IGLL5: variants seen among roughly 807,000 people sequenced by gnomAD.
IGLL5 encodes the protein immunoglobulin lambda-like polypeptide 5.
In IGLL5, 30 loss-of-function variants were observed where a neutral mutation model predicts 20.9. The observed-to-expected ratio is 1.44, with a 90% CI of 1.07 to 1.95. The LOEUF is 1.95. IGLL5 is among the 30% of genes most tolerant of loss of function. The probability of loss-of-function intolerance (pLI) is 0.00; values close to 1 mark genes in which losing one functional copy is unlikely to be tolerated. For synonymous variants in IGLL5, 203 were observed against 117.3 expected (o/e 1.73, Z -4.72); for missense variants, 475 against 270.7 (o/e 1.75, Z -5.30).
chr22:22,887,985 C>G lies in IGLL5; in HGVS notation c.-69C>G. 1 of 1,269,082 alleles carries G rather than the reference C, an allele frequency of 7.9e-7. No individual in the cohort carries two copies. The highest frequency in any genetic ancestry group is 1.1e-6 in the Non-Finnish European group (1 of 891,538). 78.6% of individuals were successfully genotyped at this position (1,269,082 alleles called of 1,614,324 possible). A position where few individuals can be genotyped will look rare whatever the true frequency, so the allele number is the denominator to read the frequency against. On this transcript the variant is annotated 5_prime_UTR_variant, in exon 1 of 3. Coordinates refer to ENST00000526893, the MANE Select transcript of IGLL5 (RefSeq NM_001178126.2). ...GTAACAGCCCTGCTGGCGAGAGGGA[C>G]CAGGGCACCGTCCTCCAGGGAGCCC... is the stretch of plus-strand genomic sequence containing the variant.
intron 1 of IGLL5, among the ~76,000 whole-genome samples, chr22:22,889,802 G>T (rs916773785): frequency 6.6e-6 from 1 of 151,198 alleles, no homozygotes; most frequent in Non-Finnish European, 1.5e-5. Context: ...TCGCTATATT[G>T]CTCAGGCCTG....
intron 1 of IGLL5, among the ~76,000 whole-genome samples, chr22:22,889,175 T>C (rs559367762): frequency 6.6e-6 from 1 of 150,994 alleles, no homozygotes; most frequent in South Asian, 2.1e-4. Context: ...GAGGGGGTGA[T>C]GGCCAAGTCC....
At position 22,890,599 on chromosome 22, in the gene IGLL5, G is replaced by A. The variant is rs112049179; in HGVS notation, c.206+2340G>A. Among the ~76,000 whole-genome samples, 312 of 126,850 alleles carry A rather than the reference G, an allele frequency of 2.5e-3. 1 individual carries two copies. The highest frequency in any genetic ancestry group is 9.2e-3 in the African/African-American group (284 of 30,704). 83.2% of individuals were successfully genotyped at this position (126,850 alleles called of 152,430 possible). A position where few individuals can be genotyped will look rare whatever the true frequency, so the allele number is the denominator to read the frequency against. The stretch of plus-strand genomic sequence containing the variant: ...TGTGTGTGTGTGTGTGTGTGTGTGT[G>A]TATGTGTACAAAGTGCACTTATATA... On this transcript the variant is annotated intron_variant, in intron 1 of 2. Coordinates refer to ENST00000526893, the MANE Select transcript of IGLL5 (RefSeq NM_001178126.2).
intron 1 of IGLL5, among the ~76,000 whole-genome samples, chr22:22,890,013 A>G (rs2067769062): frequency 1.3e-5 from 2 of 151,084 alleles, no homozygotes; most frequent in Admixed American, 6.6e-5. Context: ...GTGGCTTTAT[A>G]ATTTTCTGGT....
chr22:22,894,187 G>C (rs2067994929), intron 2 of IGLL5, among the ~76,000 whole-genome samples: 1 of 151,520 alleles, frequency 6.6e-6, no homozygotes, highest in Non-Finnish European at 1.5e-5. Context: ...GGCTGCTGGG[G>C]TGGGCCTGGG....
intron 2 of IGLL5, among the ~76,000 whole-genome samples, chr22:22,894,170 GGACAGAGGCTGCTGGGGTGGGCC>G: frequency 6.6e-6 from 1 of 151,490 alleles, no homozygotes; most frequent in Admixed American, 6.6e-5. Context: ...CTGGGGTCAA[GGACAGAGGCTGCTGGGGTGGGCC>G]TGGGAGCTGC....
intron 1 of IGLL5, among the ~76,000 whole-genome samples, chr22:22,893,303 C>G (rs1157399974): frequency 1.3e-5 from 2 of 151,164 alleles, no homozygotes; most frequent in African/African-American, 4.9e-5. Context: ...GCAGAGGAAT[C>G]TCCACTTGAG....
At chr22:22,888,454 T>C (rs542385586) in intron 1 of IGLL5, among the ~76,000 whole-genome samples, 195 bp downstream of exon 1, 2 of 151,384 alleles carry the variant, frequency 1.3e-5, no homozygotes, top group South Asian at 2.1e-4. Flanking sequence ...TAATATCATA[T>C]TACGATATTA....
In IGLL5 at chr22:22,890,344, C is replaced by G. The variant is rs534978307; in HGVS notation, c.206+2085C>G. On this transcript the variant is annotated intron_variant, in intron 1 of 2. Transcript: ENST00000526893. ...ACACACACACACACACACACACACA[C>G]AGTTGGTGCTGGGATTTTATTTTGC... 1.3e-3 allele frequency among the ~76,000 whole-genome samples: 192 copies of G among 144,534 alleles called. 1 individual carries two copies. Among genetic ancestry groups the G allele is most frequent in the Middle Eastern group, 4.1e-3 (1 of 242 alleles). The allele number at this position is 144,534 out of a possible 152,430, so 94.8% of individuals were successfully genotyped here.
intron 1 of IGLL5, among the ~76,000 whole-genome samples, chr22:22,889,108 TGG>T: frequency 6.6e-6 from 1 of 151,200 alleles, no homozygotes; most frequent in African/African-American, 2.4e-5. Flanking sequence ...TTTGTGTTTT[TGG>T]AAAAATCAGC....
rs1239332237 is a variant in IGLL5 at position 22,894,188 on chromosome 22, T to A, written c.325+370T>A. ...GGGTCAAGGACAGAGGCTGCTGGGG[T>A]GGGCCTGGGAGCTGCTGAGTCTCAT... On this transcript the variant is annotated intron_variant, in intron 2 of 2. Transcript: ENST00000526893. Among the ~76,000 whole-genome samples the A allele has an allele frequency of 4.0e-5, 6 of 151,224 alleles. 1 individual carries two copies. The highest frequency in any genetic ancestry group is 1.3e-4 in the Admixed American group (2 of 15,086).
intron 1 of IGLL5, among the ~76,000 whole-genome samples, chr22:22,891,419 C>A (rs895832589): frequency 6.6e-6 from 1 of 151,058 alleles, no homozygotes; most frequent in African/African-American, 2.4e-5. Context: ...CTGCGCCCAC[C>A]CTGTTTTGAT....
chr22:22,889,925 T>G (rs2067763379), intron 1 of IGLL5, among the ~76,000 whole-genome samples: 1 of 151,192 alleles, frequency 6.6e-6, no homozygotes, highest in African/African-American at 2.4e-5. Context: ...TATATGCATT[T>G]TCAAAAACCT....
At chr22:22,894,091 G>A (rs529221758) in intron 2 of IGLL5, among the ~76,000 whole-genome samples, 3 of 151,474 alleles carry the variant, frequency 2.0e-5, no homozygotes, top group South Asian at 2.1e-4. Flanking sequence ...GCAGATGTCT[G>A]AGTGAGGGAC....
At chr22:22,888,688 G>C (rs2067632305) in intron 1 of IGLL5, among the ~76,000 whole-genome samples, 1 of 151,250 alleles carries the variant, frequency 6.6e-6, no homozygotes, top group Non-Finnish European at 1.5e-5. Context: ...GCCACTCCCT[G>C]GAGAAGGCAG....
intron 1 of IGLL5, among the ~76,000 whole-genome samples, chr22:22,891,588 A>G: frequency 6.6e-6 from 1 of 151,278 alleles, no homozygotes; most frequent in Non-Finnish European, 1.5e-5. Flanking sequence ...ATGTGGTAAT[A>G]TCACAGAATA....
chr22:22,893,087 G>T (rs1346148128), intron 1 of IGLL5, among the ~76,000 whole-genome samples: 3 of 151,098 alleles, frequency 2.0e-5, no homozygotes, highest in African/African-American at 7.3e-5. Context: ...GACACAGATG[G>T]GTGCTTGGGA....
chr22:22,894,526 G>A (rs1267466919), intron 2 of IGLL5, among the ~76,000 whole-genome samples: 1 of 151,452 alleles, frequency 6.6e-6, no homozygotes, highest in Non-Finnish European at 1.5e-5. Flanking sequence ...TCACCTCTGG[G>A]GCCCAGTGTC....
At chr22:22,894,168 A>G (rs552221473) in intron 2 of IGLL5, among the ~76,000 whole-genome samples, 2 of 151,478 alleles carry the variant, frequency 1.3e-5, no homozygotes, top group East Asian at 4.0e-4. Context: ...TCCTGGGGTC[A>G]AGGACAGAGG....
Sources: gnomAD v4.1 joint callset for allele counts (sites outside exome capture counted in the v4.1 genomes callset) on GRCh38, gnomAD v4.1.1 for gene constraint, MANE v1.5 for transcripts, NCBI Gene and HGNC (gene_info 2026-07-23, HGNC 2026-07-21) for gene names.